PRKD1: variants seen among roughly 807,000 people sequenced by gnomAD.
The protein encoded by PRKD1 is protein kinase D1.
In PRKD1, 63 loss-of-function variants were observed where a neutral mutation model predicts 95.9. The ratio of observed to expected loss-of-function variants is 0.66; its 90% confidence interval spans 0.54 to 0.81. PRKD1 has a LOEUF of 0.81. PRKD1 is among the 30% of genes least tolerant of loss of function. The pLI is 0.00. For missense variants in PRKD1, 1,048 were observed against 1,165.3 expected, an observed-to-expected ratio of 0.90 and a Z score of 1.47; for synonymous variants, 425 against 423.1, an observed-to-expected ratio of 1.00 and a Z score of -0.05.
At chr14:29,867,032 CTT>C (rs1427703278) in intron 1 of PRKD1, among the ~76,000 whole-genome samples, 1 of 152,124 alleles carries the variant, frequency 6.6e-6, no homozygotes, top group Non-Finnish European at 1.5e-5. Context: ...CTGCTGGACA[CTT>C]ATAATTTTCT....
intron 1 of PRKD1, among the ~76,000 whole-genome samples, chr14:29,926,193 A>C (rs990090042): frequency 6.6e-6 from 1 of 152,208 alleles, no homozygotes; most frequent in African/African-American, 2.4e-5. Context: ...ACTCTGTTAC[A>C]AATAATTTAA....
chr14:29,869,335 C>G (rs1485867229), intron 1 of PRKD1, among the ~76,000 whole-genome samples: 1 of 151,518 alleles, frequency 6.6e-6, no homozygotes, highest in East Asian at 1.9e-4. Flanking sequence ...CCCAACTACT[C>G]AAGAGGAGGC....
chr14:29,716,221 G>A (rs1400960515), intron 2 of PRKD1, among the ~76,000 whole-genome samples: 1 of 152,184 alleles, frequency 6.6e-6, no homozygotes, highest in African/African-American at 2.4e-5. Context: ...AGCAGAAACA[G>A]TAATTTCTGG....
chr14:29,655,522 C>T (rs1881782130), intron 4 of PRKD1, among the ~76,000 whole-genome samples: 1 of 152,076 alleles, frequency 6.6e-6, no homozygotes, highest in South Asian at 2.1e-4. Flanking sequence ...AACAGTATGT[C>T]AACTCTCAAT....
In PRKD1 at chr14:29,759,036, C is replaced by T. The variant is rs74374018; in HGVS notation, c.265-33362G>A. The stretch of plus-strand genomic sequence containing the variant: ...CAGTAGTCTCTCAACATTTTAGAAA[C>T]AGTGTCCGTTACTCACATGTGATCA... On this transcript the variant is annotated intron_variant, in intron 1 of 17. Transcript: ENST00000331968. Among the ~76,000 whole-genome samples, 36 of 152,294 alleles carry T rather than the reference C, an allele frequency of 2.4e-4. No individual in the cohort carries two copies. In the East Asian group the frequency reaches 4.6e-3, roughly 20 times the overall value.
chr14:29,897,929 C>T (rs1894189302), intron 1 of PRKD1, among the ~76,000 whole-genome samples: 1 of 151,936 alleles, frequency 6.6e-6, no homozygotes, highest in Non-Finnish European at 1.5e-5. Flanking sequence ...TTGAAAACAA[C>T]CTTGTTATAC....
intron 1 of PRKD1, among the ~76,000 whole-genome samples, chr14:29,910,660 CCAATCAAGTGAT>C (rs1894676413): frequency 6.6e-6 from 1 of 152,094 alleles, no homozygotes; most frequent in African/African-American, 2.4e-5. Context: ...AATTAAAAAT[CCAATCAAGTGAT>C]CAATCAAGGA....
chr14:29,884,303 G>T (rs1284654312), intron 1 of PRKD1, among the ~76,000 whole-genome samples: 1 of 151,784 alleles, frequency 6.6e-6, no homozygotes, highest in Non-Finnish European at 1.5e-5. Context: ...TTGAAAATTG[G>T]GCTAAAACAT....
intron 7 of PRKD1, 137 bp downstream of exon 7, chr14:29,636,153 A>G (rs1386741219): frequency 9.6e-7 from 1 of 1,040,854 alleles, no homozygotes; most frequent in Non-Finnish European, 1.4e-6. Flanking sequence ...TCTCATTTAC[A>G]GCACGCAGTT....
chr14:29,807,374 T>C (rs1021680266), intron 1 of PRKD1, among the ~76,000 whole-genome samples: 1 of 151,758 alleles, frequency 6.6e-6, no homozygotes, highest in African/African-American at 2.4e-5. Flanking sequence ...AAGGCTGAGG[T>C]GGCTGTAGCA....
At position 29,663,787 on chromosome 14, in the gene PRKD1, C is replaced by G; in HGVS notation, c.608G>C (p.Arg203Thr). 1 of 1,614,032 alleles carries G rather than the reference C, an allele frequency of 6.2e-7. No individual in the cohort carries two copies. The highest frequency in any genetic ancestry group is 1.1e-5 in the South Asian group (1 of 91,076). ...CCCAGTGAGGGAAACGTTTGAGAGC[C>G]TTCTCCGCCTCACACCGCTGCAATT... ...PNNCSGVRRR[R>T]LSNVSLTGVS... Residue 203 changes from arginine (R) to threonine (T), a missense_variant, in exon 4 of 18, where the codon AGG becomes ACG. This residue lies in a region of PRKD1 where 275 missense variants were observed against 248.6 expected (regional missense o/e 1.11). Coordinates refer to ENST00000331968, the MANE Select transcript of PRKD1 (RefSeq NM_002742.3).
Position 29,632,955 on chromosome 14 carries a change from G to A in PRKD1, c.1315-9C>T. The A allele has an allele frequency of 6.2e-7, 1 of 1,608,240 alleles. No homozygotes were observed. The highest frequency in any genetic ancestry group is 8.5e-7 in the Non-Finnish European group (1 of 1,174,784). The stretch of plus-strand genomic sequence containing the variant: ...CAATAGTGCCGTTTCCGCTGAAACA[G>A]AAGTTAGATCCAAGATCTTTTTAAA... On this transcript the variant is annotated splice_polypyrimidine_tract_variant and intron_variant, in intron 8 of 17. Coordinates refer to ENST00000331968, the MANE Select transcript of PRKD1 (RefSeq NM_002742.3).
rs1893414422 is a variant in PRKD1 at position 29,599,013 on chromosome 14, G to GCTTTTA, written c.2166+8_2166+13dup. On this transcript the variant is annotated intron_variant, in intron 15 of 17. Transcript: ENST00000331968. ...TCCAACTGGCTTTTTGCTGAGAGAG[G>GCTTTTA]CTTTTATACTTGCCTGAGGAAAAGG... 3.1e-6 allele frequency: 5 copies of GCTTTTA among 1,602,112 alleles called. No homozygotes were observed. Among genetic ancestry groups the GCTTTTA allele is most frequent in the Non-Finnish European group, 4.3e-6 (5 of 1,169,696 alleles).
intron 2 of PRKD1, among the ~76,000 whole-genome samples, chr14:29,672,881 T>C (rs1882944962): frequency 6.6e-6 from 1 of 151,704 alleles, no homozygotes; most frequent in South Asian, 2.1e-4. Flanking sequence ...ATTTACTCCT[T>C]CTCAGAAAAA....
intron 1 of PRKD1, among the ~76,000 whole-genome samples, chr14:29,781,827 A>G (rs1201917552): frequency 6.6e-6 from 1 of 152,254 alleles, no homozygotes; most frequent in Admixed American, 6.5e-5. Flanking sequence ...AGAGCAGTCA[A>G]CATATTCTCC....
At position 29,709,783 on chromosome 14, in the gene PRKD1, C is replaced by T. The variant is rs575244126; in HGVS notation, c.403+15753G>A. On this transcript the variant is annotated intron_variant, in intron 2 of 17. Coordinates refer to ENST00000331968, the MANE Select transcript of PRKD1 (RefSeq NM_002742.3). ...CAGGCCTTCAATTTATGGGATGATG[C>T]CCACACACATCAAGGAGGGCAATCT... Among the ~76,000 whole-genome samples, 3 of 152,222 alleles carry T rather than the reference C, an allele frequency of 2.0e-5. No individual in the cohort carries two copies. The South Asian group carries it at 6.2e-4, about 32-fold the overall frequency.
intron 13 of PRKD1, among the ~76,000 whole-genome samples, chr14:29,602,246 C>A (rs1031495909): frequency 6.6e-6 from 1 of 151,950 alleles, no homozygotes; most frequent in African/African-American, 2.4e-5. Context: ...GGGAGAGTGA[C>A]CTCGGGGGCC....
intron 1 of PRKD1, among the ~76,000 whole-genome samples, chr14:29,749,837 T>C (rs567028871): frequency 6.6e-6 from 1 of 152,338 alleles, no homozygotes; most frequent in South Asian, 2.1e-4. Flanking sequence ...ATAAATCCAA[T>C]ATTTATTTTC....
chr14:29,841,795 T>C (rs1747550568), intron 1 of PRKD1, among the ~76,000 whole-genome samples: 2 of 152,098 alleles, frequency 1.3e-5, no homozygotes, highest in African/African-American at 2.4e-5. Context: ...TGACTGTTTT[T>C]ACTTTTTAAA....
Sources: allele counts gnomAD v4.1 joint callset (sites outside exome capture counted in the v4.1 genomes callset), GRCh38; gene constraint gnomAD v4.1.1; regional missense constraint gnomAD v4.1.1; transcripts MANE v1.5; gene names NCBI Gene and HGNC (gene_info 2026-07-23, HGNC 2026-07-21).